The following FRMPD4 variants were observed in gnomAD, a reference collection of about 807,000 sequenced individuals.
The protein encoded by FRMPD4 is FERM and PDZ domain containing 4.
In FRMPD4, 22 loss-of-function variants were observed where a neutral mutation model predicts 94.1. That is an observed-to-expected ratio of 0.23 (90% CI 0.17 to 0.33). The LOEUF (loss-of-function observed/expected upper bound fraction) is 0.33, where lower values mean the gene tolerates loss of function less well. Among genes scored for constraint, FRMPD4 ranks in the 10% least tolerant of loss-of-function variants. FRMPD4 has a pLI of 1.00. For synonymous variants in FRMPD4, 631 were observed against 548.6 expected, an observed-to-expected ratio of 1.15 and a Z score of -2.10; for missense variants, 1,111 against 1,339.9, an observed-to-expected ratio of 0.83 and a Z score of 2.67.
At chrX:11,992,555 G>C (rs1224567718) in intron 3 of FRMPD4, among the ~76,000 whole-genome samples, 1 of 111,251 alleles carries the variant, frequency 9.0e-6, no homozygotes, top group East Asian at 2.8e-4. Context: ...GAATTCCACT[G>C]CCTTTAGAGA....
intron 1 of FRMPD4, among the ~76,000 whole-genome samples, chrX:12,387,134 G>C (rs1175379201): frequency 8.9e-6 from 1 of 111,799 alleles, no homozygotes; most frequent in East Asian, 2.8e-4. Context: ...AAACAATAGG[G>C]AAGCCATCCT....
At chrX:12,446,285 G>C (rs1180734235) in intron 1 of FRMPD4, among the ~76,000 whole-genome samples, 4 of 112,338 alleles carry the variant, frequency 3.6e-5, no homozygotes, top group African/African-American at 1.3e-4. Context: ...ACTGATGCTT[G>C]CTATTTTAGT....
At chrX:12,107,066 C>T (rs540502507) in intron 3 of FRMPD4, among the ~76,000 whole-genome samples, 11 of 111,696 alleles carry the variant, frequency 9.8e-5, no homozygotes, top group East Asian at 5.7e-4. Flanking sequence ...TCTCCCAGCA[C>T]GGAGTCTGAG....
intron 1 of FRMPD4, among the ~76,000 whole-genome samples, chrX:12,374,323 G>A (rs987560108): frequency 9.0e-6 from 1 of 111,665 alleles, no homozygotes; most frequent in African/African-American, 3.2e-5. Flanking sequence ...GACTTTCTTT[G>A]AGCCCCAAAT....
intron 2 of FRMPD4, among the ~76,000 whole-genome samples, chrX:12,598,852 C>A (rs770765010): frequency 1.5e-4 from 16 of 106,609 alleles, no homozygotes; most frequent in Non-Finnish European, 3.0e-4. Flanking sequence ...AAAAAATGAG[C>A]CTTTATTATG....
chrX:12,190,018 C>T (rs2056472314), intron 1 of FRMPD4, among the ~76,000 whole-genome samples: 1 of 111,439 alleles, frequency 9.0e-6, no homozygotes, highest in Non-Finnish European at 1.9e-5. Flanking sequence ...ATGACTATTG[C>T]ATGGTTACAA....
At chrX:12,015,174 A>G (rs1378629672) in intron 3 of FRMPD4, among the ~76,000 whole-genome samples, 5 of 111,280 alleles carry the variant, frequency 4.5e-5, no homozygotes, top group South Asian at 3.8e-4. Context: ...CAAGATTGTC[A>G]TTTCCAAGTT....
chrX:12,498,561 CG>C, intron 1 of FRMPD4, 118 bp from the exon 2 acceptor site: 1 of 551,349 alleles, frequency 1.8e-6, no homozygotes, highest in Non-Finnish European at 3.3e-6. Context: ...TTTGTTGCAA[CG>C]TTAATTGGGG....
intron 2 of FRMPD4, among the ~76,000 whole-genome samples, chrX:12,540,701 G>A (rs966937827): frequency 2.7e-5 from 3 of 111,185 alleles, no homozygotes; most frequent in Non-Finnish European, 3.8e-5. Flanking sequence ...AATTAAAAAG[G>A]ATATCCAGCA....
intron 16 of FRMPD4, among the ~76,000 whole-genome samples, chrX:12,719,688 TATC>T (rs2042181239): frequency 8.9e-6 from 1 of 111,800 alleles, no homozygotes. Flanking sequence ...TGTCTGTGAA[TATC>T]ACCTAACTCA....
intron 2 of FRMPD4, chrX:12,583,561 G>A (rs994872255): frequency 6.2e-6 from 5 of 810,533 alleles, no homozygotes; most frequent in Non-Finnish European, 8.9e-6. Context: ...ACGCTCCAGC[G>A]CAAGCCAGGC....
At chrX:12,130,039 T>C (rs1180412630) in intron 3 of FRMPD4, among the ~76,000 whole-genome samples, 1 of 109,465 alleles carries the variant, frequency 9.1e-6, no homozygotes, top group Non-Finnish European at 1.9e-5. Flanking sequence ...TAGGCATGCA[T>C]TCAGCTGCAA....
In FRMPD4 at chrX:12,721,999, T is replaced by C. The variant is rs17321823; in HGVS notation, c.*141T>C. The C allele has an allele frequency of 0.2, 28,886 of 146,533 alleles. 2,856 individuals are homozygous for C. The highest frequency in any genetic ancestry group is 0.36 in the Middle Eastern group (100 of 281). The allele number at this position is 146,533 out of a possible 1,213,427, so 12.1% of individuals were successfully genotyped here. A position where few individuals can be genotyped will look rare whatever the true frequency, so the allele number is the denominator to read the frequency against. ...TATAAAATAGGAGATAAAAGTCACATTGATGAAATGTTGAAATGTACTAAT... is the reference window on the plus strand; with the variant it reads ...TATAAAATAGGAGATAAAAGTCACACTGATGAAATGTTGAAATGTACTAAT... On this transcript the variant is annotated 3_prime_UTR_variant, in exon 17 of 17. Coordinates refer to ENST00000675598, the MANE Select transcript of FRMPD4 (RefSeq NM_001368397.1).
intron 1 of FRMPD4, among the ~76,000 whole-genome samples, chrX:12,305,824 C>A (rs370982794): frequency 9.7e-6 from 1 of 102,567 alleles, no homozygotes; most frequent in East Asian, 3.1e-4. Flanking sequence ...ACCTTGGCTT[C>A]CCAAAGTGCT....
At chrX:12,295,871 G>A (rs2054763900) in intron 1 of FRMPD4, among the ~76,000 whole-genome samples, 1 of 112,099 alleles carries the variant, frequency 8.9e-6, no homozygotes, top group Admixed American at 9.5e-5. Flanking sequence ...AGTGGAGAGG[G>A]CTGGCAGTAC....
At chrX:12,376,790 A>G (rs1315691992) in intron 1 of FRMPD4, among the ~76,000 whole-genome samples, 1 of 112,861 alleles carries the variant, frequency 8.9e-6, no homozygotes, top group Non-Finnish European at 1.9e-5. Context: ...TCAGTCTCCT[A>G]TGAGTTTGGT....
At chrX:11,825,874 G>C (rs888905824) in intron 1 of FRMPD4, among the ~76,000 whole-genome samples, 1 of 112,288 alleles carries the variant, frequency 8.9e-6, no homozygotes, top group African/African-American at 3.2e-5. Flanking sequence ...TAAAAGCTAA[G>C]ACTATTGTGT....
chrX:12,063,114 A>G (rs946457246), intron 3 of FRMPD4, among the ~76,000 whole-genome samples: 1 of 112,040 alleles, frequency 8.9e-6, no homozygotes, highest in Non-Finnish European at 1.9e-5. Context: ...TCATGCCTAT[A>G]ATTCCAGCAC....
intron 1 of FRMPD4, among the ~76,000 whole-genome samples, chrX:12,422,241 A>G (rs964764900): frequency 4.5e-5 from 5 of 112,075 alleles, no homozygotes; most frequent in Non-Finnish European, 9.4e-5. Flanking sequence ...CATGGTCTAC[A>G]AGTCAGTTGG....
Sources: allele counts gnomAD v4.1 joint callset (sites outside exome capture counted in the v4.1 genomes callset), GRCh38; gene constraint gnomAD v4.1.1; transcripts MANE v1.5; gene names NCBI Gene and HGNC (gene_info 2026-07-23, HGNC 2026-07-21).